The following SLMAP variants were observed in gnomAD, a reference collection of about 807,000 sequenced individuals.
SLMAP encodes sarcolemmal membrane-associated protein.
A neutral mutation model predicts 128.8 loss-of-function variants in SLMAP; 44 were observed. The ratio of observed to expected loss-of-function variants is 0.34; its 90% CI spans 0.27 to 0.44. SLMAP has a LOEUF of 0.44. SLMAP is among the 20% of genes least tolerant of loss of function. SLMAP has a pLI of 1.00. For missense variants in SLMAP, 787 were observed against 985.3 expected (o/e 0.80, Z 2.69); for synonymous variants, 327 against 348.8 (o/e 0.94, Z 0.70).
At chr3:57,761,226 C>T (rs2078574218) in intron 2 of SLMAP, among the ~76,000 whole-genome samples, 2 of 152,172 alleles carry the variant, frequency 1.3e-5, no homozygotes, top group African/African-American at 4.8e-5. Context: ...GCTATGGAGT[C>T]TTAGGAAGGT....
At chr3:57,825,251 C>G (rs1427714214) in intron 2 of SLMAP, among the ~76,000 whole-genome samples, 1 of 150,326 alleles carries the variant, frequency 6.7e-6, no homozygotes, top group Non-Finnish European at 1.5e-5. Context: ...TCTTTCTAGA[C>G]AAGAAACTTC....
chr3:57,925,974 G>A (rs577452054), intron 24 of SLMAP, 40 bp downstream of exon 24: 247 of 1,429,068 alleles, frequency 1.7e-4, no homozygotes, highest in Admixed American at 1.6e-3. Context: ...GTTTGTCCCC[G>A]TCACCTTTTT....
intron 14 of SLMAP, among the ~76,000 whole-genome samples, chr3:57,883,714 A>T (rs191421777): frequency 6.6e-6 from 1 of 152,132 alleles, no homozygotes; most frequent in Non-Finnish European, 1.5e-5. Flanking sequence ...TGTGAAACAT[A>T]CAATTGAGTA....
intron 22 of SLMAP, chr3:57,918,115 G>C (rs1387972694): frequency 6.6e-6 from 1 of 152,134 alleles, no homozygotes; most frequent in African/African-American, 2.4e-5. Flanking sequence ...ATTTTGTGAT[G>C]TGTTCGTTTT....
At chr3:57,896,743 G>T in intron 16 of SLMAP, 130 bp from the exon 17 acceptor site, 1 of 1,346,344 alleles carries the variant, frequency 7.4e-7, no homozygotes, top group Non-Finnish European at 1.0e-6. Context: ...TGGATATTTT[G>T]TTAAAACTAC....
At chr3:57,780,479 G>A (rs1432111334) in intron 2 of SLMAP, among the ~76,000 whole-genome samples, 1 of 152,018 alleles carries the variant, frequency 6.6e-6, no homozygotes, top group Non-Finnish European at 1.5e-5. Context: ...ATATTTCCTA[G>A]ATAATACTAA....
rs555553949 is a variant in SLMAP at position 57,837,509 on chromosome 3, C to T, written c.347-3790C>T. 2.0e-5 allele frequency among the ~76,000 whole-genome samples: 3 copies of T among 152,292 alleles called. No homozygotes were observed. In the East Asian group the frequency reaches 5.8e-4, roughly 29 times the overall value. ...TCAGCCTCCCTAGTAGCTGGGACTA[C>T]AGGCACCCACCACCACGTCCGGCTA... is the stretch of plus-strand genomic sequence containing the variant. On this transcript the variant is annotated intron_variant, in intron 3 of 24. Coordinates refer to ENST00000671191, the MANE Select transcript of SLMAP (RefSeq NM_001377540.1).
At chr3:57,826,164 T>G (rs2092913150) in intron 2 of SLMAP, among the ~76,000 whole-genome samples, 1 of 152,202 alleles carries the variant, frequency 6.6e-6, no homozygotes. Context: ...GAATTTTTCC[T>G]TTTACTTCTA....
intron 4 of SLMAP, 67 bp from the exon 5 acceptor site, chr3:57,847,130 G>A (rs937241295): frequency 1.4e-5 from 13 of 956,984 alleles, no homozygotes; most frequent in Non-Finnish European, 2.1e-5. Flanking sequence ...AGATATTCTG[G>A]TGCTCTCATA....
chr3:57,917,092 CATT>C lies in SLMAP; in HGVS notation c.2310+18_2310+20del, dbSNP rs1202407130. On this transcript the variant is annotated intron_variant, in intron 22 of 24. Coordinates refer to ENST00000671191, the MANE Select transcript of SLMAP (RefSeq NM_001377540.1). ...TGCAGAAAGAGGTAAAGCGAAAAGA[CATT>C]ATGAGCCCAATTATGGTTGGACTTA... 12 of 1,613,362 alleles carry C rather than the reference CATT, an allele frequency of 7.4e-6. No homozygotes were observed. Among genetic ancestry groups the C allele is most frequent in the African/African-American group, 1.3e-5 (1 of 74,870 alleles).
intron 2 of SLMAP, among the ~76,000 whole-genome samples, chr3:57,819,213 G>C (rs1317185525): frequency 6.6e-6 from 1 of 152,126 alleles, no homozygotes; most frequent in Non-Finnish European, 1.5e-5. Flanking sequence ...TCAAAGCCTT[G>C]AGGAGATATA....
At chr3:57,806,235 G>A (rs548873763) in intron 2 of SLMAP, among the ~76,000 whole-genome samples, 49 of 152,030 alleles carry the variant, frequency 3.2e-4, no homozygotes, top group Admixed American at 4.6e-4. Flanking sequence ...TGGCCCTGGT[G>A]TGTGTTGTTC....
intron 2 of SLMAP, among the ~76,000 whole-genome samples, chr3:57,758,539 A>G (rs540652918): frequency 7.4e-4 from 113 of 152,324 alleles, no homozygotes; most frequent in Non-Finnish European, 1.4e-3. Context: ...CTTAATGCAT[A>G]CTTACAGAGG....
intron 14 of SLMAP, among the ~76,000 whole-genome samples, chr3:57,878,880 T>G (rs980033275): frequency 6.6e-6 from 1 of 152,214 alleles, no homozygotes; most frequent in African/African-American, 2.4e-5. Flanking sequence ...AGCAGCAGAT[T>G]GTCTGGTTCT....
Position 57,841,356 on chromosome 3 carries a change from C to A in SLMAP, c.404C>A (p.Ala135Asp). Reference sequence around the variant, plus strand: ...CTTTTTCTACCAGATGGTATGGAAGCCCGGCTCCGCTCAGAGTGAGTATAA... The same window carrying A: ...CTTTTTCTACCAGATGGTATGGAAGACCGGCTCCGCTCAGAGTGAGTATAA... ...IKLFLPDGME[A>D]RLRSDVIHAP... Residue 135 changes from alanine to aspartate, a missense_variant, in exon 4 of 25, where the codon GCC becomes GAC. Coordinates refer to ENST00000671191, the MANE Select transcript of SLMAP (RefSeq NM_001377540.1). 2 of 1,606,850 alleles carry A rather than the reference C, an allele frequency of 1.2e-6. No individual in the cohort carries two copies. The highest frequency in any genetic ancestry group is 1.7e-6 in the Non-Finnish European group (2 of 1,174,750).
chr3:57,832,999 A>G (rs2093430478), intron 3 of SLMAP, among the ~76,000 whole-genome samples: 1 of 152,348 alleles, frequency 6.6e-6, no homozygotes, highest in East Asian at 1.9e-4. Flanking sequence ...CCTACAAGTC[A>G]TTCAGCAAAC....
rs2077818651 is a variant in SLMAP, at chr3:57,757,423, T to A, written c.-229T>A. The A allele has an allele frequency of 1.7e-6, 1 of 575,808 alleles. No homozygotes were observed. Among genetic ancestry groups the A allele is most frequent in the African/African-American group, 1.9e-5 (1 of 53,398 alleles). The allele number at this position is 575,808 out of a possible 1,614,324, so 35.7% of individuals were successfully genotyped here. ...ACTGAAAGCTGCCAGTTGGGGACTT[T>A]TTGTGATCACGGCGTTGCAGCGTTT... On this transcript the variant is annotated 5_prime_UTR_variant, in exon 2 of 25. Coordinates refer to ENST00000671191, the MANE Select transcript of SLMAP (RefSeq NM_001377540.1).
At chr3:57,759,279 C>CTT (rs530906553) in intron 2 of SLMAP, among the ~76,000 whole-genome samples, 144 of 142,108 alleles carry the variant, frequency 1.0e-3, no homozygotes, top group African/African-American at 2.6e-3. Context: ...ACTCGTAATC[C>CTT]TTTTTTTTTT....
intron 14 of SLMAP, among the ~76,000 whole-genome samples, chr3:57,877,752 ATC>A (rs982493617): frequency 5.3e-5 from 8 of 150,500 alleles, no homozygotes; most frequent in African/African-American, 2.0e-4. Context: ...TTTAAAAAAG[ATC>A]TGTTTCCATA....
Sources: gnomAD v4.1 joint callset for allele counts (sites outside exome capture counted in the v4.1 genomes callset) on GRCh38, gnomAD v4.1.1 for gene constraint, MANE v1.5 for transcripts, NCBI Gene and HGNC (gene_info 2026-07-23, HGNC 2026-07-21) for gene names.